Variants in LY6E observed in about 807,000 individuals in gnomAD.
LY6E encodes the protein lymphocyte antigen 6E.
Under a neutral mutation model 7.7 loss-of-function variants are expected in LY6E, and 4 were observed. That is an observed-to-expected ratio of 0.52 (90% CI 0.25 to 1.18). The LOEUF (loss-of-function observed/expected upper bound fraction) is 1.18, where lower values mean the gene tolerates loss of function less well. Among genes scored for constraint, LY6E ranks in the 50% most tolerant of loss-of-function variants. The pLI, the probability that LY6E is intolerant of heterozygous loss-of-function variation, is 0.14. For synonymous variants in LY6E, 81 were observed against 80.1 expected (o/e 1.01, Z -0.06); for missense variants, 156 against 168.0 (o/e 0.93, Z 0.40).
rs1819239378 is a variant in LY6E, at chr8:143,022,069, A to G, written c.*280A>G. The stretch of plus-strand genomic sequence containing the variant: ...GTCTTACGGTCCAACATCAGGACCA[A>G]GTCCCATGGACATGCTGACAGGGTC... On this transcript the variant is annotated 3_prime_UTR_variant, in exon 4 of 4. Transcript: ENST00000292494. 3.7e-6 allele frequency: 2 copies of G among 547,550 alleles called. No individual in the cohort carries two copies. The highest frequency in any genetic ancestry group is 6.5e-6 in the Non-Finnish European group (2 of 309,978). 33.9% of individuals were successfully genotyped at this position (547,550 alleles called of 1,614,324 possible). A position where few individuals can be genotyped will look rare whatever the true frequency, so the allele number is the denominator to read the frequency against.
At chr8:143,019,724 T>C (rs895062678) in intron 1 of LY6E, among the ~76,000 whole-genome samples, 4 of 152,182 alleles carry the variant, frequency 2.6e-5, no homozygotes, top group Admixed American at 6.5e-5. Flanking sequence ...AGATCTGTTC[T>C]CTGAGGCATC....
chr8:143,021,766 G>A lies in LY6E; in HGVS notation c.373G>A (p.Ala125Thr). The part of the protein sequence containing the change: ...GAGLLLSLLP[A>T]LLRFGP The stretch of plus-strand genomic sequence containing the variant: ...CGGGCTGCTGCTGAGCCTGCTGCCG[G>A]CCCTGCTGCGGTTTGGCCCCTGACC... Residue 125 changes from alanine (A) to threonine (T), a missense_variant, in exon 4 of 4, where the codon GCC (alanine) becomes ACC (threonine). Coordinates refer to ENST00000292494, the MANE Select transcript of LY6E (RefSeq NM_002346.3). 1 of 1,607,712 alleles carries A rather than the reference G, an allele frequency of 6.2e-7. No homozygotes were observed.
At position 143,020,970 on chromosome 8, in the gene LY6E, G is replaced by T. The variant is rs1359063104; in HGVS notation, c.31G>T (p.Ala11Ser). Residue 11 changes from alanine (A) to serine (S), a missense_variant, in exon 2 of 4, where the codon GCC becomes TCC. By Grantham distance (99) the Ala-to-Ser change is moderately conservative. Coordinates refer to ENST00000292494, the MANE Select transcript of LY6E (RefSeq NM_002346.3). MKIFLPVLLA[A>S]LLGVERASSL... ...GATCTTCTTGCCAGTGCTGCTGGCTGCCCTTCTGGGTGTGGAGCGAGGTGA... is the reference window on the plus strand; with the variant it reads ...GATCTTCTTGCCAGTGCTGCTGGCTTCCCTTCTGGGTGTGGAGCGAGGTGA... 5 of 1,613,964 alleles carry T rather than the reference G, an allele frequency of 3.1e-6. No individual in the cohort carries two copies. In the South Asian group the frequency reaches 5.5e-5, roughly 18 times the overall value.
Position 143,020,997 on chromosome 8 carries a change from G to T in LY6E, c.52+6G>T. The T allele has an allele frequency of 1.3e-6, 2 of 1,599,430 alleles. No individual in the cohort carries two copies. The highest frequency in any genetic ancestry group is 1.7e-6 in the Non-Finnish European group (2 of 1,173,160). ...CCTTCTGGGTGTGGAGCGAGGTGAG[G>T]TGCCCTTGGGGACCCCAGACCTTTG... On this transcript the variant is annotated splice_donor_region_variant and intron_variant, in intron 2 of 3. Coordinates refer to ENST00000292494, the MANE Select transcript of LY6E (RefSeq NM_002346.3).
intron 1 of LY6E, chr8:143,020,367 G>A: frequency 6.5e-6 from 1 of 154,088 alleles, no homozygotes; most frequent in Non-Finnish European, 1.4e-5. Flanking sequence ...CTCCCAAGTA[G>A]CTGACCACAG....
chr8:143,020,873 G>C lies in LY6E; in HGVS notation c.-57-10G>C. On this transcript the variant is annotated splice_polypyrimidine_tract_variant and intron_variant, in intron 1 of 3. Coordinates refer to ENST00000292494, the MANE Select transcript of LY6E (RefSeq NM_002346.3). ...CACCACCCGGCCCCCTAACCAGTGT[G>C]TCTCTCCAGAGCAGGACAGGCTGCT... 4.0e-6 allele frequency: 6 copies of C among 1,497,528 alleles called. No individual in the cohort carries two copies. The South Asian group carries it at 5.8e-5, about 15-fold the overall frequency. The allele number at this position is 1,497,528 out of a possible 1,614,324, so 92.8% of individuals were successfully genotyped here. A position where few individuals can be genotyped will look rare whatever the true frequency, so the allele number is the denominator to read the frequency against.
rs747939539 is a variant in LY6E, at chr8:143,021,516, T to C, written c.173-50T>C. The C allele has an allele frequency of 3.1e-6, 5 of 1,612,402 alleles. No homozygotes were observed. The Admixed American group carries it at 8.3e-5, about 27-fold the overall frequency. ...CGGGGCTCAGCAGAGGCCATTGCTG[T>C]CTGTCTGCAGCCGTCTGTCTCTCCC... On this transcript the variant is annotated intron_variant, in intron 3 of 3. Coordinates refer to ENST00000292494, the MANE Select transcript of LY6E (RefSeq NM_002346.3).
intron 1 of LY6E, among the ~76,000 whole-genome samples, chr8:143,019,904 G>C (rs892512387): frequency 6.6e-6 from 1 of 152,218 alleles, no homozygotes; most frequent in Non-Finnish European, 1.5e-5. Context: ...TCTTTCTCCA[G>C]CAGTGCAGAG....
rs1819238824 is a variant in LY6E at position 143,022,029 on chromosome 8, C to T, written c.*240C>T. 1.0e-5 allele frequency: 6 copies of T among 575,818 alleles called. No homozygotes were observed. Among genetic ancestry groups the T allele is most frequent in the Middle Eastern group, 4.5e-4 (1 of 2,210 alleles). 35.7% of individuals were successfully genotyped at this position (575,818 alleles called of 1,614,324 possible). On this transcript the variant is annotated 3_prime_UTR_variant, in exon 4 of 4. Transcript: ENST00000292494. ...CTTCCTTGGGGGACCGCGGAAGGGA[C>T]GAGGGTTCCCTGGAGTCTTACGGTC...
At chr8:143,020,100 C>T (rs1310057661) in intron 1 of LY6E, among the ~76,000 whole-genome samples, 3 of 152,164 alleles carry the variant, frequency 2.0e-5, no homozygotes, top group African/African-American at 7.2e-5. Flanking sequence ...TGCTTTCCCC[C>T]TCAGCCATGC....
chr8:143,021,260 G>A, intron 2 of LY6E, 54 bp from the exon 3 acceptor site: 1 of 1,594,036 alleles, frequency 6.3e-7, no homozygotes, highest in Non-Finnish European at 8.5e-7. Flanking sequence ...CTGGGGTCAG[G>A]CCTGGGAGGG....
Position 143,022,380 on chromosome 8 carries a change from G to A in LY6E, c.*591G>A, listed in dbSNP as rs966082735. The A allele has an allele frequency of 1.3e-5, 2 of 155,192 alleles. No homozygotes were observed. The highest frequency in any genetic ancestry group is 1.9e-4 in the East Asian group (1 of 5,224). 9.6% of individuals were successfully genotyped at this position (155,192 alleles called of 1,614,324 possible). A position where few individuals can be genotyped will look rare whatever the true frequency, so the allele number is the denominator to read the frequency against. On this transcript the variant is annotated 3_prime_UTR_variant, in exon 4 of 4. Coordinates refer to ENST00000292494, the MANE Select transcript of LY6E (RefSeq NM_002346.3). ...CACATTGGAGCCCTCCTGCTGCTTT[G>A]GTGCCTCAAATAAATACAGATGTCC...
chr8:143,021,018 C>T (rs1348955194), intron 2 of LY6E, 27 bp downstream of exon 2: 2 of 1,611,602 alleles, frequency 1.2e-6, no homozygotes, highest in African/African-American at 1.3e-5. Flanking sequence ...GACCCCAGAC[C>T]TTTGTCCAGC....
chr8:143,022,234 T>G lies in LY6E; in HGVS notation c.*445T>G. 1 of 191,530 alleles carries G rather than the reference T, an allele frequency of 5.2e-6. No individual in the cohort carries two copies. Among genetic ancestry groups the G allele is most frequent in the Non-Finnish European group, 1.1e-5 (1 of 94,478 alleles). 11.9% of individuals were successfully genotyped at this position (191,530 alleles called of 1,614,324 possible). Reference sequence around the variant, plus strand: ...GCAGCCTGGAGAGCCTCAGTCCCTGTAGCCCCCTGCCCTGGCACAGCTGCA... The same window carrying G: ...GCAGCCTGGAGAGCCTCAGTCCCTGGAGCCCCCTGCCCTGGCACAGCTGCA... On this transcript the variant is annotated 3_prime_UTR_variant, in exon 4 of 4. Coordinates refer to ENST00000292494, the MANE Select transcript of LY6E (RefSeq NM_002346.3).
At position 143,020,909 on chromosome 8, in the gene LY6E, ACCTC is replaced by A; in HGVS notation, c.-29_-26del. 6.2e-7 allele frequency: 1 copy of A among 1,610,740 alleles called. No homozygotes were observed. The highest frequency in any genetic ancestry group is 8.5e-7 in the Non-Finnish European group (1 of 1,177,844). On this transcript the variant is annotated 5_prime_UTR_variant, in exon 2 of 4. Transcript: ENST00000292494. ...GCAGGACAGGCTGCTTTGGTTTGTG[ACCTC>A]CAGGCAGGACGGCCATCCTCTCCAG...
Position 143,021,784 on chromosome 8 carries a change from C to T in LY6E, c.391C>T (p.Pro131Ser). Residue 131 changes from proline (P) to serine (S), a missense_variant, in exon 4 of 4, where the codon CCC (proline) becomes TCC (serine). Transcript: ENST00000292494. Reference sequence around the variant, plus strand: ...GCTGCCGGCCCTGCTGCGGTTTGGCCCCTGACCGCCCAGACCCTGTCCCCC... The same window carrying T: ...GCTGCCGGCCCTGCTGCGGTTTGGCTCCTGACCGCCCAGACCCTGTCCCCC... The part of the protein sequence containing the change: ...SLLPALLRFG[P>S] 6.3e-7 allele frequency: 1 copy of T among 1,599,956 alleles called. No homozygotes were observed. Among genetic ancestry groups the T allele is most frequent in the South Asian group, 1.1e-5 (1 of 90,004 alleles).
rs745674413 is a variant in LY6E, at chr8:143,021,836, CA to C, written c.*48del. ...ATCCCCCAGCTCAGGAAGGAAAGCC[CA>C]GCCCTTTCTGGATCCCACAGTGTAT... On this transcript the variant is annotated 3_prime_UTR_variant, in exon 4 of 4. Transcript: ENST00000292494. 48 of 1,525,806 alleles carry C rather than the reference CA, an allele frequency of 3.1e-5. No homozygotes were observed. The East Asian group carries it at 1.0e-3, about 33-fold the overall frequency. The allele number at this position is 1,525,806 out of a possible 1,614,324, so 94.5% of individuals were successfully genotyped here. A position where few individuals can be genotyped will look rare whatever the true frequency, so the allele number is the denominator to read the frequency against.
chr8:143,021,602 C>A lies in LY6E; in HGVS notation c.209C>A (p.Thr70Asn). 1 of 1,613,958 alleles carries A rather than the reference C, an allele frequency of 6.2e-7. No homozygotes were observed. Among genetic ancestry groups the A allele is most frequent in the Non-Finnish European group, 8.5e-7 (1 of 1,180,020 alleles). The stretch of plus-strand genomic sequence containing the variant: ...ACATTTGGCCACAGCCTGAGCAAGA[C>A]CTGTTCCCCGGCCTGCCCCATCCCA... ...LVTFGHSLSK[T>N]CSPACPIPEG... The change falls in exon 4 of 4, where the codon ACC (threonine) becomes AAC (asparagine). Residue 70 changes from threonine (T) to asparagine (N), a missense_variant. Physicochemically the swap from Thr to Asn is moderately conservative, Grantham distance 65. Transcript: ENST00000292494.
chr8:143,020,126 G>A (rs1298518932), intron 1 of LY6E: 2 of 152,308 alleles, frequency 1.3e-5, no homozygotes, highest in Non-Finnish European at 2.9e-5. Context: ...CTGGCCCCAG[G>A]TCTCCATGTG....
Sources: gnomAD v4.1 joint callset for allele counts (sites outside exome capture counted in the v4.1 genomes callset) on GRCh38, gnomAD v4.1.1 for gene constraint, MANE v1.5 for transcripts, NCBI Gene and HGNC (gene_info 2026-07-23, HGNC 2026-07-21) for gene names.